The following RERE variants were observed in gnomAD, a reference collection of about 807,000 sequenced individuals.
The protein encoded by RERE is arginine-glutamic acid dipeptide repeats protein.
A neutral mutation model predicts 146.1 loss-of-function variants in RERE; 40 were observed. The ratio of observed to expected loss-of-function variants is 0.27; its 90% CI spans 0.21 to 0.36. RERE has a LOEUF of 0.36. Among genes scored for constraint, RERE ranks in the 10% least tolerant of loss-of-function variants. RERE has a pLI of 1.00. For synonymous variants in RERE, 1,003 were observed against 866.0 expected (o/e 1.16, Z -2.78); for missense variants, 1,933 against 2,138.7 (o/e 0.90, Z 1.90).
chr1:8,620,395 C>A (rs1273233215), intron 3 of RERE, among the ~76,000 whole-genome samples: 1 of 152,198 alleles, frequency 6.6e-6, no homozygotes, highest in Non-Finnish European at 1.5e-5. Context: ...CAGTTTCCTA[C>A]CCTAGCAAGT....
intron 12 of RERE, among the ~76,000 whole-genome samples, chr1:8,403,825 CTTTTTTTTTTT>C (rs869295197): frequency 4.2e-5 from 3 of 70,850 alleles, no homozygotes; most frequent in South Asian, 1.1e-3. Context: ...AAAATCTTAG[CTTTTTTTTTTT>C]TTTTTTTTTT....
chr1:8,672,705 T>C (rs1290691575), intron 1 of RERE, among the ~76,000 whole-genome samples: 2 of 152,230 alleles, frequency 1.3e-5, no homozygotes, highest in African/African-American at 2.4e-5. Flanking sequence ...ATAACCTTTA[T>C]GGTTATTCAG....
intron 1 of RERE, among the ~76,000 whole-genome samples, chr1:8,812,476 G>T (rs1641831591): frequency 6.6e-6 from 1 of 152,064 alleles, no homozygotes; most frequent in Non-Finnish European, 1.5e-5. Flanking sequence ...GTAAAACCCT[G>T]TCTCTTCTAA....
chr1:8,472,544 A>T (rs1412177401), intron 10 of RERE, among the ~76,000 whole-genome samples: 2 of 152,262 alleles, frequency 1.3e-5, no homozygotes, highest in African/African-American at 4.8e-5. Context: ...GCCACAGAAA[A>T]GCAATTAAAG....
intron 1 of RERE, among the ~76,000 whole-genome samples, chr1:8,807,703 A>AG (rs1641716764): frequency 6.6e-6 from 1 of 152,204 alleles, no homozygotes; most frequent in Admixed American, 6.5e-5. Context: ...TAGAAAAAAA[A>AG]GTCACATACA....
At chr1:8,602,410 G>A (rs891129506) in intron 4 of RERE, among the ~76,000 whole-genome samples, 6 of 143,696 alleles carry the variant, frequency 4.2e-5, no homozygotes, top group African/African-American at 1.5e-4. Flanking sequence ...AAAAGGAAAA[G>A]AAAACATAAT....
intron 7 of RERE, among the ~76,000 whole-genome samples, chr1:8,523,996 T>G (rs1199396955): frequency 6.6e-6 from 1 of 152,242 alleles, no homozygotes; most frequent in Non-Finnish European, 1.5e-5. Flanking sequence ...GCATGAAATG[T>G]GAGTCCTGCC....
chr1:8,517,180 T>A (rs938193919), intron 7 of RERE, among the ~76,000 whole-genome samples: 14 of 152,276 alleles, frequency 9.2e-5, no homozygotes, highest in African/African-American at 2.9e-4. Flanking sequence ...ATCCAAAAAA[T>A]TTAAAGTTTT....
At chr1:8,403,512 C>T (rs1643335914) in intron 12 of RERE, among the ~76,000 whole-genome samples, 1 of 150,860 alleles carries the variant, frequency 6.6e-6, no homozygotes, top group South Asian at 2.1e-4. Flanking sequence ...ATTATAGGCG[C>T]CCACCACCAC....
chr1:8,619,744 T>C (rs1646896200), intron 3 of RERE, among the ~76,000 whole-genome samples: 1 of 152,266 alleles, frequency 6.6e-6, no homozygotes, highest in South Asian at 2.1e-4. Flanking sequence ...GTATTATACT[T>C]CTTAATGCCT....
intron 10 of RERE, among the ~76,000 whole-genome samples, chr1:8,488,548 C>T (rs1179152458): frequency 2.6e-5 from 4 of 152,106 alleles, no homozygotes; most frequent in Non-Finnish European, 5.9e-5. Context: ...GCCTGCAAGA[C>T]TTTTTAAAAA....
In RERE at chr1:8,361,268, C is replaced by A. The variant is rs770586305; in HGVS notation, c.2239G>T (p.Val747Phe). 1.2e-5 allele frequency: 19 copies of A among 1,588,890 alleles called. No individual in the cohort carries two copies. In the South Asian group the frequency reaches 2.1e-4, roughly 17 times the overall value. Residue 747 changes from valine (V) to phenylalanine (F), a missense_variant, in exon 18 of 23, where the codon GTC becomes TTC. By Grantham distance (50) the Val-to-Phe change is conservative (BLOSUM62 -1). Around this residue, in one of 11 missense-constraint regions of RERE, gnomAD observed 1,255 missense variants for 1,153.8 expected, o/e 1.09. Transcript: ENST00000400908. The stretch of plus-strand genomic sequence containing the variant: ...GGAGCTGAGGAGGGAGCTGGGGTGA[C>A]CCCAGTGGGAGCCTGCAAGGCTGGG... ...QPPALQAPTG[V>F]TPAPSSAPPG...
chr1:8,674,293 G>C (rs1296763656), intron 1 of RERE, among the ~76,000 whole-genome samples: 3 of 152,090 alleles, frequency 2.0e-5, no homozygotes, highest in Non-Finnish European at 4.4e-5. Context: ...GAGAGCCTTT[G>C]ATTTATGGAC....
intron 1 of RERE, among the ~76,000 whole-genome samples, chr1:8,690,059 A>G (rs1639176941): frequency 6.6e-6 from 1 of 152,232 alleles, no homozygotes; most frequent in Non-Finnish European, 1.5e-5. Flanking sequence ...TTCTGCAGGT[A>G]TAAAATTTAT....
intron 1 of RERE, among the ~76,000 whole-genome samples, chr1:8,683,990 T>A (rs1039608733): frequency 7.9e-5 from 12 of 152,190 alleles, no homozygotes; most frequent in Non-Finnish European, 1.5e-4. Context: ...TCCTTGGGGA[T>A]ATTACAACCT....
At chr1:8,789,842 G>C (rs1263854816) in intron 1 of RERE, among the ~76,000 whole-genome samples, 1 of 152,080 alleles carries the variant, frequency 6.6e-6, no homozygotes, top group Non-Finnish European at 1.5e-5. Context: ...CCCATTCTTC[G>C]ATGGCCCACT....
chr1:8,363,973 C>G, intron 15 of RERE, 83 bp downstream of exon 15: 1 of 1,301,128 alleles, frequency 7.7e-7, no homozygotes, highest in Non-Finnish European at 1.1e-6. Context: ...ACTTTCGCTT[C>G]CTCCCCCTGG....
intron 1 of RERE, among the ~76,000 whole-genome samples, chr1:8,675,098 C>T (rs1292091382): frequency 6.6e-6 from 1 of 152,098 alleles, no homozygotes; most frequent in South Asian, 2.1e-4. Context: ...CCATGGGGCC[C>T]TGGGGGAATG....
intron 11 of RERE, among the ~76,000 whole-genome samples, chr1:8,461,115 C>T (rs565147066): frequency 2.0e-5 from 3 of 152,106 alleles, no homozygotes; most frequent in South Asian, 4.2e-4. Flanking sequence ...TAATCTGTTT[C>T]GATTAGGTGC....
Sources: allele counts gnomAD v4.1 joint callset (sites outside exome capture counted in the v4.1 genomes callset), GRCh38; gene constraint gnomAD v4.1.1; regional missense constraint gnomAD v4.1.1; transcripts MANE v1.5; gene names NCBI Gene and HGNC (gene_info 2026-07-23, HGNC 2026-07-21).